Variants in COLEC12 observed in about 807,000 individuals in gnomAD.
The protein encoded by COLEC12 is collectin-12.
In COLEC12, 33 loss-of-function variants were observed where a neutral mutation model predicts 71.1. The observed-to-expected ratio is 0.46, with a 90% confidence interval of 0.35 to 0.62. The LOEUF is 0.62. Among genes scored for constraint, COLEC12 ranks in the 20% least tolerant of loss-of-function variants. COLEC12 has a pLI of 0.00. For synonymous variants in COLEC12, 350 were observed against 353.0 expected, an observed-to-expected ratio of 0.99 and a Z score of 0.10; for missense variants, 765 against 916.1, an observed-to-expected ratio of 0.84 and a Z score of 2.13.
intron 2 of COLEC12, among the ~76,000 whole-genome samples, chr18:364,862 C>A (rs1277490701): frequency 2.0e-5 from 3 of 152,118 alleles, no homozygotes; most frequent in African/African-American, 4.8e-5. Flanking sequence ...GGAATTCTGA[C>A]CCTAATTTTA....
intron 2 of COLEC12, among the ~76,000 whole-genome samples, chr18:466,922 C>T (rs1490597139): frequency 6.6e-6 from 1 of 152,148 alleles, no homozygotes; most frequent in African/African-American, 2.4e-5. Context: ...CCTCCCCTAT[C>T]TCTTCTCTCC....
chr18:369,260 C>T (rs1040166565), intron 2 of COLEC12, among the ~76,000 whole-genome samples: 5 of 152,122 alleles, frequency 3.3e-5, no homozygotes, highest in Admixed American at 2.6e-4. Flanking sequence ...TGATCCATTG[C>T]ATTTAAACAA....
At chr18:405,657 G>A (rs1246431105) in intron 2 of COLEC12, among the ~76,000 whole-genome samples, 2 of 152,162 alleles carry the variant, frequency 1.3e-5, no homozygotes, top group Admixed American at 6.5e-5. Flanking sequence ...TTTCAATCAC[G>A]CTGATCCATT....
chr18:359,537 C>T (rs1914698982), intron 2 of COLEC12, among the ~76,000 whole-genome samples: 1 of 152,166 alleles, frequency 6.6e-6, no homozygotes, highest in East Asian at 1.9e-4. Flanking sequence ...TAAATTTTTA[C>T]TGCTAAAAGG....
chr18:404,602 G>A (rs890737897), intron 2 of COLEC12, among the ~76,000 whole-genome samples: 1 of 152,202 alleles, frequency 6.6e-6, no homozygotes, highest in African/African-American at 2.4e-5. Context: ...AACATAAATT[G>A]TGAAGATTTC....
chr18:416,159 A>C (rs940984735), intron 2 of COLEC12, among the ~76,000 whole-genome samples: 1 of 152,198 alleles, frequency 6.6e-6, no homozygotes, highest in African/African-American at 2.4e-5. Context: ...AAACCAAAAA[A>C]TCTAACAGAT....
chr18:437,759 T>C (rs926277059), intron 2 of COLEC12, among the ~76,000 whole-genome samples: 6 of 152,234 alleles, frequency 3.9e-5, no homozygotes, highest in African/African-American at 9.6e-5. Flanking sequence ...GACAATAGGT[T>C]GCGTTAAGTG....
intron 9 of COLEC12, among the ~76,000 whole-genome samples, chr18:320,399 C>A (rs1168568694): frequency 1.3e-5 from 2 of 152,180 alleles, no homozygotes; most frequent in African/African-American, 2.4e-5. Context: ...GTTTTTCCCC[C>A]TCAACTGACC....
rs188115440 is a variant in COLEC12, at chr18:378,320, G to A, written c.59-20798C>T. ...CTGAGGGCACATCAGAAGAAGTTGTGAATTAAACACAAAAACCGTCATAAA... is the reference window on the plus strand; with the variant it reads ...CTGAGGGCACATCAGAAGAAGTTGTAAATTAAACACAAAAACCGTCATAAA... On this transcript the variant is annotated intron_variant, in intron 2 of 9. Coordinates refer to ENST00000400256, the MANE Select transcript of COLEC12 (RefSeq NM_130386.3). Among the ~76,000 whole-genome samples the A allele has an allele frequency of 1.9e-3, 296 of 152,282 alleles. 2 individuals carry two copies. The highest frequency in any genetic ancestry group is 6.9e-3 in the African/African-American group (285 of 41,564).
At chr18:466,328 C>T (rs1029701590) in intron 2 of COLEC12, among the ~76,000 whole-genome samples, 2 of 152,216 alleles carry the variant, frequency 1.3e-5, no homozygotes, top group East Asian at 3.8e-4. Context: ...AGAGCAGTTA[C>T]GTGCTTCCTT....
intron 2 of COLEC12, among the ~76,000 whole-genome samples, chr18:368,689 C>CCCG (rs759447421): frequency 1.3e-5 from 2 of 150,370 alleles, no homozygotes; most frequent in African/African-American, 2.5e-5. Flanking sequence ...ATGGTGAAAC[C>CCCG]CCGTCTCCAC....
intron 2 of COLEC12, among the ~76,000 whole-genome samples, chr18:466,165 G>A (rs1218269204): frequency 5.9e-5 from 9 of 152,140 alleles, no homozygotes; most frequent in Middle Eastern, 3.4e-3. Flanking sequence ...ACTTGAACCC[G>A]GGAGGTGGAG....
chr18:454,077 T>C (rs1916815873), intron 2 of COLEC12, among the ~76,000 whole-genome samples: 1 of 152,208 alleles, frequency 6.6e-6, no homozygotes, highest in Admixed American at 6.5e-5. Flanking sequence ...ACATATCCGT[T>C]CTCTAGTTGA....
chr18:474,815 GT>G (rs1374108417), intron 2 of COLEC12, among the ~76,000 whole-genome samples: 1 of 152,194 alleles, frequency 6.6e-6, no homozygotes. Context: ...GGCTACGCCT[GT>G]AATCCCTGCA....
At chr18:400,445 T>A (rs1915660033) in intron 2 of COLEC12, among the ~76,000 whole-genome samples, 1 of 152,186 alleles carries the variant, frequency 6.6e-6, no homozygotes, top group Admixed American at 6.5e-5. Flanking sequence ...TGTGTTTCAG[T>A]AAAGCAATTT....
chr18:334,704 G>A, intron 6 of COLEC12, 38 bp downstream of exon 6: 1 of 1,451,630 alleles, frequency 6.9e-7, no homozygotes, highest in Non-Finnish European at 9.1e-7. Context: ...CACATGCACT[G>A]CCCTGTCCCC....
At chr18:495,476 G>A (rs956335139) in intron 1 of COLEC12, among the ~76,000 whole-genome samples, 38 of 152,070 alleles carry the variant, frequency 2.5e-4, no homozygotes, top group African/African-American at 8.9e-4. Flanking sequence ...TGGCTACAGT[G>A]GGCCATCCAC....
chr18:444,792 CA>C (rs1916614285), intron 2 of COLEC12, among the ~76,000 whole-genome samples: 1 of 152,094 alleles, frequency 6.6e-6, no homozygotes, highest in Non-Finnish European at 1.5e-5. Context: ...TATCTTAAGG[CA>C]AGAAATGTTA....
At chr18:404,547 G>A (rs916228180) in intron 2 of COLEC12, among the ~76,000 whole-genome samples, 25 of 152,320 alleles carry the variant, frequency 1.6e-4, no homozygotes, top group African/African-American at 5.5e-4. Flanking sequence ...GTTGTGGGAA[G>A]TTAGGGACCC....
Sources: allele counts gnomAD v4.1 joint callset (sites outside exome capture counted in the v4.1 genomes callset), GRCh38; gene constraint gnomAD v4.1.1; transcripts MANE v1.5; gene names NCBI Gene and HGNC (gene_info 2026-07-23, HGNC 2026-07-21).